Variants in ITGA9 observed in about 807,000 individuals in gnomAD.
ITGA9 encodes integrin alpha-9.
A neutral mutation model predicts 127.8 loss-of-function variants in ITGA9; 56 were observed. The ratio of observed to expected loss-of-function variants is 0.44; its 90% CI spans 0.35 to 0.55. ITGA9 has a LOEUF of 0.55. Among genes scored for constraint, ITGA9 ranks in the 20% least tolerant of loss-of-function variants. The pLI, the probability that ITGA9 is intolerant of heterozygous loss-of-function variation, is 0.00. For synonymous variants in ITGA9, 508 were observed against 514.5 expected (o/e 0.99, Z 0.17); for missense variants, 1,196 against 1,347.1 (o/e 0.89, Z 1.76).
At chr3:37,656,793 C>G (rs866855315) in intron 17 of ITGA9, among the ~76,000 whole-genome samples, 1 of 152,082 alleles carries the variant, frequency 6.6e-6, no homozygotes, top group Non-Finnish European at 1.5e-5. Context: ...ATGCTTCCAG[C>G]TTTTGCCCAT....
chr3:37,777,342 T>C (rs1251718409), intron 23 of ITGA9, 50 bp from the exon 24 acceptor site: 1 of 1,608,524 alleles, frequency 6.2e-7, no homozygotes, highest in Admixed American at 1.7e-5. Flanking sequence ...TCCAGCATCA[T>C]GATTCATTCT....
chr3:37,679,718 CAT>C (rs1233513305), intron 17 of ITGA9, among the ~76,000 whole-genome samples: 77 of 152,310 alleles, frequency 5.1e-4, no homozygotes, highest in African/African-American at 1.7e-3. Flanking sequence ...TTATGCTGAA[CAT>C]TCCACGGTGC....
intron 15 of ITGA9, among the ~76,000 whole-genome samples, chr3:37,551,167 T>C (rs937535232): frequency 6.6e-6 from 1 of 152,214 alleles, no homozygotes; most frequent in African/African-American, 2.4e-5. Context: ...TTTGACTGGA[T>C]TTATTGGATA....
chr3:37,601,234 C>T (rs1430360026), intron 15 of ITGA9, among the ~76,000 whole-genome samples: 1 of 152,182 alleles, frequency 6.6e-6, no homozygotes, highest in Non-Finnish European at 1.5e-5. Flanking sequence ...ATTGGAGACT[C>T]CTATTTCTCC....
intron 18 of ITGA9, among the ~76,000 whole-genome samples, chr3:37,723,572 G>A (rs1027346623): frequency 1.3e-5 from 2 of 152,160 alleles, no homozygotes; most frequent in African/African-American, 4.8e-5. Flanking sequence ...ATGTTGGCCA[G>A]GCTGGTCACA....
chr3:37,734,080 G>A (rs545325758), intron 19 of ITGA9, among the ~76,000 whole-genome samples: 6 of 152,206 alleles, frequency 3.9e-5, no homozygotes, highest in Admixed American at 3.9e-4. Flanking sequence ...GTGTGATCTT[G>A]GCGAAACCAC....
intron 1 of ITGA9, among the ~76,000 whole-genome samples, chr3:37,456,542 C>A (rs763344145): frequency 1.9e-4 from 29 of 152,238 alleles, no homozygotes; most frequent in Non-Finnish European, 2.5e-4. Flanking sequence ...TCCCCTCCTC[C>A]TTCTCTGCCC....
At chr3:37,751,078 C>T (rs1696580202) in intron 23 of ITGA9, among the ~76,000 whole-genome samples, 1 of 152,236 alleles carries the variant, frequency 6.6e-6, no homozygotes, top group African/African-American at 2.4e-5. Context: ...AGGACACAGC[C>T]CACAGGGTGG....
chr3:37,481,416 G>A lies in ITGA9; in HGVS notation c.421-68G>A. 4 of 1,600,928 alleles carry A rather than the reference G, an allele frequency of 2.5e-6. No individual in the cohort carries two copies. The South Asian group carries it at 3.3e-5, about 13-fold the overall frequency. On this transcript the variant is annotated intron_variant, in intron 3 of 27. Coordinates refer to ENST00000264741, the MANE Select transcript of ITGA9 (RefSeq NM_002207.3). ...CCCACAGAAAGAAACATCTGGCACT[G>A]ACAGGAGTCTGCTTTGTGATCTTTT...
intron 16 of ITGA9, among the ~76,000 whole-genome samples, chr3:37,642,855 A>G (rs1404268851): frequency 6.6e-6 from 1 of 152,230 alleles, no homozygotes; most frequent in Non-Finnish European, 1.5e-5. Flanking sequence ...CAATGCATGC[A>G]TATAGGAATA....
chr3:37,572,986 C>G (rs2125605831), intron 15 of ITGA9, among the ~76,000 whole-genome samples: 1 of 152,280 alleles, frequency 6.6e-6, no homozygotes, highest in East Asian at 1.9e-4. Flanking sequence ...CATATCTGGC[C>G]TCACACTTCA....
At chr3:37,606,881 C>T (rs1699973724) in intron 15 of ITGA9, among the ~76,000 whole-genome samples, 1 of 151,780 alleles carries the variant, frequency 6.6e-6, no homozygotes, top group South Asian at 2.1e-4. Context: ...TTAATATCAT[C>T]CCTCTGGCAC....
chr3:37,637,246 T>C (rs1700288356), intron 16 of ITGA9, among the ~76,000 whole-genome samples: 1 of 152,228 alleles, frequency 6.6e-6, no homozygotes, highest in African/African-American at 2.4e-5. Context: ...TTCACGATAT[T>C]GATTCTTCCT....
chr3:37,801,175 AG>A (rs1697231412), intron 26 of ITGA9, among the ~76,000 whole-genome samples: 1 of 152,068 alleles, frequency 6.6e-6, no homozygotes, highest in African/African-American at 2.4e-5. Context: ...AAAAAAAGAA[AG>A]AAAAGAAAAG....
At chr3:37,497,019 T>C (rs1342022441) in intron 5 of ITGA9, among the ~76,000 whole-genome samples, 2 of 152,238 alleles carry the variant, frequency 1.3e-5, no homozygotes, top group Admixed American at 6.5e-5. Flanking sequence ...ATTTTTGTTA[T>C]GAAAAAACAT....
chr3:37,766,727 C>G (rs954104462), intron 23 of ITGA9, among the ~76,000 whole-genome samples: 6 of 152,198 alleles, frequency 3.9e-5, no homozygotes, highest in Admixed American at 3.9e-4. Context: ...GCTATTCACT[C>G]ATTTATTACC....
chr3:37,615,918 C>T (rs1700069809), intron 15 of ITGA9, among the ~76,000 whole-genome samples: 2 of 152,158 alleles, frequency 1.3e-5, no homozygotes, highest in Non-Finnish European at 2.9e-5. Context: ...AAAACAGCTC[C>T]TGGATTCATT....
chr3:37,732,544 A>G (rs1696305429), intron 18 of ITGA9, among the ~76,000 whole-genome samples, 168 bp from the exon 19 acceptor site: 1 of 152,100 alleles, frequency 6.6e-6, no homozygotes, highest in African/African-American at 2.4e-5. Flanking sequence ...AACCCATGAA[A>G]AAGTGGGCAG....
chr3:37,752,408 C>T (rs1469883906), intron 23 of ITGA9, among the ~76,000 whole-genome samples: 1 of 152,176 alleles, frequency 6.6e-6, no homozygotes, highest in South Asian at 2.1e-4. Flanking sequence ...CTCTCAGCCA[C>T]CACCATTCCC....
Sources: gnomAD v4.1 joint callset for allele counts (sites outside exome capture counted in the v4.1 genomes callset) on GRCh38, gnomAD v4.1.1 for gene constraint, MANE v1.5 for transcripts, NCBI Gene and HGNC (gene_info 2026-07-23, HGNC 2026-07-21) for gene names.